Variants in ZDHHC21 observed in about 807,000 individuals in gnomAD.
ZDHHC21 encodes palmitoyltransferase ZDHHC21.
ZDHHC21 carries 15 observed loss-of-function variants against 34.6 expected under a neutral mutation model. The ratio of observed to expected loss-of-function variants is 0.43; its 90% CI spans 0.29 to 0.67. The LOEUF is 0.67. Ranked by LOEUF, ZDHHC21 falls within the 30% of genes least tolerant of loss-of-function variation. The pLI is 0.14. For synonymous variants in ZDHHC21, 142 were observed against 101.8 expected, an observed-to-expected ratio of 1.40 and a Z score of -2.38; for missense variants, 344 against 327.7, an observed-to-expected ratio of 1.05 and a Z score of -0.38.
rs868481398 is a variant in ZDHHC21, at chr9:14,612,943, A to G, written c.*6023T>C. On this transcript the variant is annotated 3_prime_UTR_variant, in exon 10 of 10. Coordinates refer to ENST00000380916, the MANE Select transcript of ZDHHC21 (RefSeq NM_178566.6). ...CTTCATCTTAGTATTTTGTTTCAGT[A>G]TTCACTAAAGTGCCCAATAAGCTAT... 6.6e-6 allele frequency: 1 copy of G among 151,608 alleles called. No homozygotes were observed. The highest frequency in any genetic ancestry group is 1.5e-5 in the Non-Finnish European group (1 of 67,818). The allele number at this position is 151,608 out of a possible 1,614,324, so 9.4% of individuals were successfully genotyped here.
downstream of ZDHHC21, among the ~76,000 whole-genome samples, chr9:14,609,385 G>A (rs997856001): frequency 1.3e-5 from 2 of 152,042 alleles, no homozygotes; most frequent in Non-Finnish European, 2.9e-5. Context: ...AGGAATGACT[G>A]ACAAACCAGT....
chr9:14,622,545 G>T, intron 8 of ZDHHC21: 1 of 985,234 alleles, frequency 1.0e-6, no homozygotes, highest in Non-Finnish European at 1.2e-6. Context: ...ACAGACCTGA[G>T]AACCCAGTCC....
At chr9:14,594,034 G>C in the ZDHHC21 span, 3 of 152,186 alleles carry the variant, frequency 2.0e-5, no homozygotes, top group Non-Finnish European at 2.9e-5. Context: ...CCACAGAGCA[G>C]CATCTAAGAA....
intron 1 of ZDHHC21, among the ~76,000 whole-genome samples, chr9:14,692,934 G>A (rs569952817): frequency 3.3e-5 from 5 of 152,078 alleles, no homozygotes; most frequent in East Asian, 1.9e-4. Flanking sequence ...ACATCGTCTC[G>A]ACTAGAGCAG....
intron 7 of ZDHHC21, among the ~76,000 whole-genome samples, chr9:14,648,952 T>C (rs1052191109): frequency 3.9e-5 from 6 of 152,006 alleles, no homozygotes; most frequent in Non-Finnish European, 7.4e-5. Flanking sequence ...TTTTTTTTCT[T>C]TGTGATCTTC....
the ZDHHC21 span, among the ~76,000 whole-genome samples, chr9:14,601,199 C>T: frequency 1.3e-5 from 2 of 152,288 alleles, no homozygotes; most frequent in East Asian, 1.9e-4. Flanking sequence ...AAACTATCAT[C>T]AGGGTGAACA....
intron 6 of ZDHHC21, 57 bp from the exon 7 acceptor site, chr9:14,658,944 G>C: frequency 6.5e-7 from 1 of 1,528,612 alleles, no homozygotes; most frequent in Non-Finnish European, 8.9e-7. Flanking sequence ...GTTCACCTCA[G>C]GATCAATAAG....
intron 8 of ZDHHC21, among the ~76,000 whole-genome samples, chr9:14,623,726 A>G (rs1175827616): frequency 2.0e-5 from 3 of 152,086 alleles, no homozygotes; most frequent in African/African-American, 7.2e-5. Flanking sequence ...ACCAACAGGT[A>G]TATGAAGAAA....
At chr9:14,652,328 T>C (rs145365789) in intron 7 of ZDHHC21, among the ~76,000 whole-genome samples, 2 of 151,906 alleles carry the variant, frequency 1.3e-5, no homozygotes, top group Admixed American at 6.6e-5. Context: ...TCAATATCTA[T>C]AGCTTAAAAA....
At chr9:14,679,752 A>T (rs535075592) in intron 3 of ZDHHC21, among the ~76,000 whole-genome samples, 24 of 152,254 alleles carry the variant, frequency 1.6e-4, no homozygotes, top group Admixed American at 3.9e-4. Context: ...TAATATTTTT[A>T]AAAATGAAGT....
intron 8 of ZDHHC21, among the ~76,000 whole-genome samples, chr9:14,636,518 G>A (rs541040552): frequency 6.6e-6 from 1 of 152,116 alleles, no homozygotes; most frequent in East Asian, 1.9e-4. Context: ...AGTTAACAAA[G>A]AAACATCAGA....
At chr9:14,597,671 C>G in the ZDHHC21 span, among the ~76,000 whole-genome samples, 5 of 152,250 alleles carry the variant, frequency 3.3e-5, no homozygotes, top group African/African-American at 1.2e-4. Context: ...TCTGTCCCAC[C>G]CACTGCTACT....
At chr9:14,606,374 A>T (rs560893295), downstream of ZDHHC21, among the ~76,000 whole-genome samples, 1 of 152,176 alleles carries the variant, frequency 6.6e-6, no homozygotes, top group Non-Finnish European at 1.5e-5. Flanking sequence ...TCATGCTGTA[A>T]GTAAGCCCAA....
chr9:14,629,071 G>GAC (rs1826837914), intron 8 of ZDHHC21, among the ~76,000 whole-genome samples: 1 of 152,170 alleles, frequency 6.6e-6, no homozygotes, highest in Admixed American at 6.5e-5. Flanking sequence ...AAAGTAAAGT[G>GAC]ACTAAAGGTT....
chr9:14,692,801 T>C (rs947732500), intron 1 of ZDHHC21, among the ~76,000 whole-genome samples: 5 of 142,278 alleles, frequency 3.5e-5, no homozygotes, highest in African/African-American at 9.8e-5. Context: ...AGCTCTGGAA[T>C]AGCACAGAGA....
At chr9:14,625,325 G>C (rs575784727) in intron 8 of ZDHHC21, among the ~76,000 whole-genome samples, 1 of 152,008 alleles carries the variant, frequency 6.6e-6, no homozygotes, top group East Asian at 1.9e-4. Context: ...TCCAACAAAA[G>C]ACCAGCTATG....
downstream of ZDHHC21, among the ~76,000 whole-genome samples, chr9:14,606,425 C>G (rs1373160516): frequency 6.6e-6 from 1 of 152,160 alleles, no homozygotes; most frequent in African/African-American, 2.4e-5. Context: ...TGGATGATAA[C>G]CCAAGCTGAG....
intron 3 of ZDHHC21, among the ~76,000 whole-genome samples, chr9:14,675,918 G>A (rs1322527339): frequency 6.6e-6 from 1 of 151,900 alleles, no homozygotes; most frequent in Non-Finnish European, 1.5e-5. Context: ...GGAGGAGCAA[G>A]AGTAGAAATT....
chr9:14,628,024 T>A (rs1321977855), intron 8 of ZDHHC21, among the ~76,000 whole-genome samples: 2 of 152,160 alleles, frequency 1.3e-5, no homozygotes, highest in Admixed American at 1.3e-4. Flanking sequence ...GTAGACTGAT[T>A]TGAAAACATT....
Sources: allele counts gnomAD v4.1 joint callset (sites outside exome capture counted in the v4.1 genomes callset), GRCh38; gene constraint gnomAD v4.1.1; transcripts MANE v1.5; gene names NCBI Gene and HGNC (gene_info 2026-07-23, HGNC 2026-07-21).